Variants in BECN1 observed in about 807,000 individuals in gnomAD.
BECN1 encodes the protein beclin-1.
In BECN1, 15 loss-of-function variants were observed where a neutral mutation model predicts 60.1. The ratio of observed to expected loss-of-function variants is 0.25; its 90% confidence interval spans 0.17 to 0.38. BECN1 has a LOEUF of 0.38. BECN1 is among the 10% of genes least tolerant of loss of function. The pLI, the probability that BECN1 is intolerant of heterozygous loss-of-function variation, is 1.00. For missense variants in BECN1, 424 were observed against 548.2 expected, an observed-to-expected ratio of 0.77 and a Z score of 2.26; for synonymous variants, 179 against 201.8, an observed-to-expected ratio of 0.89 and a Z score of 0.96.
In BECN1 at chr17:42,818,133, T is replaced by C. The variant is rs556747794; in HGVS notation, c.683+88A>G. ...TGCTGCTGACTGACAGCTGACTAGTTTACAAACTATTCAGACACATTCAGC... is the reference window on the plus strand; with the variant it reads ...TGCTGCTGACTGACAGCTGACTAGTCTACAAACTATTCAGACACATTCAGC... On this transcript the variant is annotated intron_variant, in intron 7 of 11. Transcript: ENST00000590099. 16 of 1,422,720 alleles carry C rather than the reference T, an allele frequency of 1.1e-5. No individual in the cohort carries two copies. In the African/African-American group the frequency reaches 2.0e-4, roughly 18 times the overall value. The allele number at this position is 1,422,720 out of a possible 1,614,324, so 88.1% of individuals were successfully genotyped here.
intron 2 of BECN1, among the ~76,000 whole-genome samples, chr17:42,823,156 AT>A (rs1384865459): frequency 6.6e-6 from 1 of 152,248 alleles, no homozygotes; most frequent in Non-Finnish European, 1.5e-5. Flanking sequence ...TGGTATTACT[AT>A]ATAGTAAGTC....
At chr17:42,812,540 C>T (rs1236606323) in intron 10 of BECN1, 3 of 151,672 alleles carry the variant, frequency 2.0e-5, no homozygotes, top group South Asian at 2.1e-4. Context: ...GGTGAAACCC[C>T]GTCACTACCA....
At chr17:42,815,274 T>C (rs2055122483) in intron 8 of BECN1, among the ~76,000 whole-genome samples, 1 of 151,732 alleles carries the variant, frequency 6.6e-6, no homozygotes, top group South Asian at 2.1e-4. Context: ...CTTTCTGTTC[T>C]CTGAATTCAC....
chr17:42,816,559 G>A (rs912701996), intron 7 of BECN1, among the ~76,000 whole-genome samples: 2 of 151,180 alleles, frequency 1.3e-5, no homozygotes, highest in African/African-American at 4.9e-5. Flanking sequence ...GGCTGAAGTG[G>A]CAGAATTGCT....
intron 7 of BECN1, among the ~76,000 whole-genome samples, chr17:42,816,425 G>T (rs1275106238): frequency 2.0e-5 from 3 of 151,840 alleles, no homozygotes; most frequent in Non-Finnish European, 4.4e-5. Flanking sequence ...GCCAAGACGG[G>T]TGGATAACTT....
In BECN1 at chr17:42,815,459, G is replaced by A. The variant is rs1483792152; in HGVS notation, c.830+449C>T. Among the ~76,000 whole-genome samples, 6 of 152,116 alleles carry A rather than the reference G, an allele frequency of 3.9e-5. No homozygotes were observed. In the East Asian group the frequency reaches 1.2e-3, roughly 29 times the overall value. ...CTTATGTGTTCCCACAGCACCCTGG[G>A]TTTACCATCATCACACTGCATTACA... On this transcript the variant is annotated intron_variant, in intron 8 of 11. Coordinates refer to ENST00000590099, the MANE Select transcript of BECN1 (RefSeq NM_001313998.2).
intron 7 of BECN1, among the ~76,000 whole-genome samples, chr17:42,817,396 T>TA (rs1210529185): frequency 6.6e-6 from 1 of 152,200 alleles, no homozygotes; most frequent in African/African-American, 2.4e-5. Flanking sequence ...TTTAAATAGT[T>TA]ACTATACCCC....
At chr17:42,821,661 T>C (rs1283896320) in intron 2 of BECN1, among the ~76,000 whole-genome samples, 3 of 152,166 alleles carry the variant, frequency 2.0e-5, no homozygotes, top group South Asian at 4.1e-4. Flanking sequence ...CCAGATTACA[T>C]CAGTGTATCC....
intron 7 of BECN1, among the ~76,000 whole-genome samples, chr17:42,817,132 A>G (rs866699007): frequency 6.6e-6 from 1 of 150,930 alleles, no homozygotes; most frequent in Middle Eastern, 3.5e-3. Flanking sequence ...CCATCTCTAT[A>G]AAAAATACAA....
In BECN1 at chr17:42,814,573, C is replaced by T. The variant is rs2055106266; in HGVS notation, c.931G>A (p.Val311Met). 1.2e-6 allele frequency: 2 copies of T among 1,614,210 alleles called. No individual in the cohort carries two copies. Reference sequence around the variant, plus strand: ...TTGGCCAGAGCATGGAGCAGCAACACAGTCTGGCCCCAAGCAGCATTAATC... The same window carrying T: ...TTGGCCAGAGCATGGAGCAGCAACATAGTCTGGCCCCAAGCAGCATTAATC... ...NEINAAWGQT[V>M]LLLHALANKM... Residue 311 changes from valine (V) to methionine (M), a missense_variant, in exon 9 of 12, where the codon GTG becomes ATG. Val to Met is a conservative substitution (Grantham distance 21). Around this residue, in one of 3 missense-constraint regions of BECN1, gnomAD observed 326 missense variants for 406.2 expected, o/e 0.80. Transcript: ENST00000590099.
At chr17:42,816,727 T>C (rs1163557793) in intron 7 of BECN1, among the ~76,000 whole-genome samples, 2 of 151,876 alleles carry the variant, frequency 1.3e-5, no homozygotes, top group East Asian at 3.9e-4. Flanking sequence ...TCCCAGCACT[T>C]TGGGAGGCTG....
intron 10 of BECN1, chr17:42,812,800 G>C (rs1394666164): frequency 6.6e-6 from 1 of 150,484 alleles, no homozygotes; most frequent in Non-Finnish European, 1.5e-5. Context: ...TGCCACAAGG[G>C]GAAAATTCCA....
intron 4 of BECN1, 99 bp from the exon 5 acceptor site, chr17:42,818,976 G>A: frequency 7.4e-7 from 1 of 1,358,690 alleles, no homozygotes; most frequent in Non-Finnish European, 1.0e-6. Context: ...CACCAGCTGA[G>A]GGGCCTCAAG....
Position 42,814,604 on chromosome 17 carries a change from C to G in BECN1, c.900G>C (p.Trp300Cys), listed in dbSNP as rs1347225375. 2 of 1,614,204 alleles carry G rather than the reference C, an allele frequency of 1.2e-6. No individual in the cohort carries two copies. The highest frequency in any genetic ancestry group is 2.2e-5 in the South Asian group (2 of 91,088). Residue 300 changes from tryptophan to cysteine, a missense_variant, in exon 9 of 12, where the codon TGG becomes TGC. Transcript: ENST00000590099. ...GGCCCCAAGCAGCATTAATCTCATT[C>G]CATTCCACGGGAACACTGGGCAGGC... ...LGRLPSVPVE[W>C]NEINAAWGQT...
Position 42,814,681 on chromosome 17 carries a change from G to A in BECN1, c.831-8C>T. On this transcript the variant is annotated splice_polypyrimidine_tract_variant and splice_region_variant and intron_variant, in intron 8 of 11. Transcript: ENST00000590099. The stretch of plus-strand genomic sequence containing the variant: ...CCAAACTGTCCACTGTGCCTACAGA[G>A]GAAGGCAGAAAGGTGGGGGGAAATA... The A allele has an allele frequency of 6.2e-7, 1 of 1,613,978 alleles. No individual in the cohort carries two copies. Among genetic ancestry groups the A allele is most frequent in the Non-Finnish European group, 8.5e-7 (1 of 1,179,974 alleles).
rs528694035 is a variant in BECN1, at chr17:42,810,533, G to A, written c.*227C>T. 2.5e-4 allele frequency: 94 copies of A among 372,350 alleles called. No individual in the cohort carries two copies. Among genetic ancestry groups the A allele is most frequent in the African/African-American group, 1.7e-3 (82 of 48,020 alleles). The allele number at this position is 372,350 out of a possible 1,614,324, so 23.1% of individuals were successfully genotyped here. ...AGAAGAAAGGGAAAGGAGTCCATGG[G>A]GTTAAGAATCAAAACTGACCAGGGC... On this transcript the variant is annotated 3_prime_UTR_variant, in exon 12 of 12. Transcript: ENST00000590099.
intron 4 of BECN1, 65 bp from the exon 5 acceptor site, chr17:42,818,942 A>G: frequency 6.4e-7 from 1 of 1,552,892 alleles, no homozygotes. Flanking sequence ...ACCTACTACA[A>G]TGCCAGTGGC....
At chr17:42,822,498 C>G (rs993837071) in intron 2 of BECN1, among the ~76,000 whole-genome samples, 1 of 152,198 alleles carries the variant, frequency 6.6e-6, no homozygotes, top group African/African-American at 2.4e-5. Context: ...TTTAAGCTGC[C>G]TATTCAGTCT....
chr17:42,810,959 A>C, intron 11 of BECN1, 31 bp from the exon 12 acceptor site: 1 of 1,540,644 alleles, frequency 6.5e-7, no homozygotes, highest in South Asian at 1.3e-5. Context: ...ACTCATTAGT[A>C]ACTGAGATCT....
Sources: gnomAD v4.1 joint callset for allele counts (sites outside exome capture counted in the v4.1 genomes callset) on GRCh38, gnomAD v4.1.1 for gene constraint, gnomAD v4.1.1 regional missense constraint, MANE v1.5 for transcripts, NCBI Gene and HGNC (gene_info 2026-07-23, HGNC 2026-07-21) for gene names.